ANKFN1: variants seen among roughly 807,000 people sequenced by gnomAD.
ANKFN1 encodes the protein ankyrin repeat and fibronectin type III domain containing 1.
ANKFN1 carries 74 observed loss-of-function variants against 108.7 expected under a neutral mutation model. The observed-to-expected ratio is 0.68, with a 90% CI of 0.56 to 0.83. ANKFN1 has a LOEUF of 0.83. Among genes scored for constraint, ANKFN1 ranks in the 40% least tolerant of loss-of-function variants. The probability of loss-of-function intolerance (pLI) is 0.00; values close to 1 mark genes in which losing one functional copy is unlikely to be tolerated. For missense variants in ANKFN1, 1,505 were observed against 1,382.3 expected (o/e 1.09, Z -1.41); for synonymous variants, 547 against 516.2 (o/e 1.06, Z -0.81).
chr17:56,228,271 G>C, intron 3 of ANKFN1: 1 of 263,500 alleles, frequency 3.8e-6, no homozygotes, highest in South Asian at 7.9e-5. Context: ...TAAATATTCA[G>C]TTCTCTCAAA....
At chr17:56,160,741 G>A (rs1054644529) in intron 1 of ANKFN1, among the ~76,000 whole-genome samples, 1 of 152,158 alleles carries the variant, frequency 6.6e-6, no homozygotes, top group African/African-American at 2.4e-5. Context: ...TGAATCCCGT[G>A]GAAGATGCCT....
At chr17:56,069,629 A>C (rs1905097786) in intron 4 of ANKFN1, among the ~76,000 whole-genome samples, 1 of 152,204 alleles carries the variant, frequency 6.6e-6, no homozygotes, top group African/African-American at 2.4e-5. Flanking sequence ...TAGGTGGCTT[A>C]GAAAACAGAA....
intron 1 of ANKFN1, among the ~76,000 whole-genome samples, chr17:56,211,485 A>G (rs1364582855): frequency 6.6e-6 from 1 of 152,152 alleles, no homozygotes; most frequent in Non-Finnish European, 1.5e-5. Flanking sequence ...TTGTACCAAT[A>G]CCATGCTGTT....
Position 56,466,589 on chromosome 17 carries a change from T to G in ANKFN1, c.1773+18T>G. 1.9e-6 allele frequency: 3 copies of G among 1,576,534 alleles called. No homozygotes were observed. The highest frequency in any genetic ancestry group is 2.6e-6 in the Non-Finnish European group (3 of 1,159,348). ...CCATCCAGGTATGTAGTTTTTTTCT[T>G]AATTCCCGGGTATACTTAAGGTTCC... On this transcript the variant is annotated intron_variant, in intron 15 of 20. Coordinates refer to ENST00000682825, the MANE Select transcript of ANKFN1 (RefSeq NM_001370326.1).
At chr17:56,152,253 T>C (rs1349027216), upstream of ANKFN1, among the ~76,000 whole-genome samples, 1 of 84,250 alleles carries the variant, frequency 1.2e-5, no homozygotes, top group East Asian at 9.2e-4. Context: ...GAAATATATA[T>C]ATATATATAT....
At chr17:56,064,938 C>T (rs1014698980) in intron 4 of ANKFN1, among the ~76,000 whole-genome samples, 5 of 152,188 alleles carry the variant, frequency 3.3e-5, no homozygotes, top group African/African-American at 1.2e-4. Context: ...AGCACATTCA[C>T]TCACCACCTT....
At chr17:56,180,973 C>T (rs1911628591) in intron 1 of ANKFN1, among the ~76,000 whole-genome samples, 1 of 152,138 alleles carries the variant, frequency 6.6e-6, no homozygotes, top group Admixed American at 6.6e-5. Flanking sequence ...AACTACAAAA[C>T]ATGTTGCCTT....
At chr17:56,069,474 C>CA in intron 4 of ANKFN1, among the ~76,000 whole-genome samples, 1 of 152,196 alleles carries the variant, frequency 6.6e-6, no homozygotes, top group Non-Finnish European at 1.5e-5. Flanking sequence ...ACTGGACATT[C>CA]CTCCTAAGCA....
intron 4 of ANKFN1, among the ~76,000 whole-genome samples, chr17:56,108,405 G>A (rs775250674): frequency 1.3e-5 from 2 of 152,236 alleles, no homozygotes; most frequent in African/African-American, 4.8e-5. Context: ...TTCTTCTTTC[G>A]ACTCTTCTTT....
intron 3 of ANKFN1, among the ~76,000 whole-genome samples, chr17:56,234,963 C>T (rs569993840): frequency 6.6e-6 from 1 of 152,176 alleles, no homozygotes. Context: ...ATTTACAGTC[C>T]CACCAAGAGT....
chr17:56,346,241 G>A (rs951355012), intron 4 of ANKFN1, among the ~76,000 whole-genome samples: 8 of 151,930 alleles, frequency 5.3e-5, no homozygotes, highest in African/African-American at 1.9e-4. Context: ...CTGTTCCGTT[G>A]GTCTATATCT....
intron 11 of ANKFN1, among the ~76,000 whole-genome samples, chr17:56,452,354 C>T (rs1181619430): frequency 1.3e-5 from 2 of 152,104 alleles, no homozygotes; most frequent in East Asian, 1.9e-4. Flanking sequence ...GTATAGAAGC[C>T]ACAAGGTTCT....
At chr17:56,455,599 T>G (rs544013661) in intron 11 of ANKFN1, among the ~76,000 whole-genome samples, 1 of 152,232 alleles carries the variant, frequency 6.6e-6, no homozygotes, top group Non-Finnish European at 1.5e-5. Context: ...CTGGTGGTGA[T>G]ACCAACAACC....
intron 3 of ANKFN1, among the ~76,000 whole-genome samples, chr17:56,305,605 A>G (rs2044797911): frequency 6.6e-6 from 1 of 152,124 alleles, no homozygotes; most frequent in Non-Finnish European, 1.5e-5. Context: ...TTGTCTTTTT[A>G]GCTGCTGAAC....
At position 56,516,039 on chromosome 17, in the gene ANKFN1, G is replaced by T. The variant is rs962724623; in HGVS notation, c.*4770G>T. 6.6e-6 allele frequency among the ~76,000 whole-genome samples: 1 copy of T among 152,066 alleles called. No homozygotes were observed. Among genetic ancestry groups the T allele is most frequent in the African/African-American group, 2.4e-5 (1 of 41,388 alleles). On this transcript the variant is annotated 3_prime_UTR_variant, in exon 21 of 21. Coordinates refer to ENST00000682825, the MANE Select transcript of ANKFN1 (RefSeq NM_001370326.1). ...AAAGGTTACGAAGCTATTAGTTAAG[G>T]CTCTTTGCTCCTCTTCCTGCAGTCC...
chr17:56,271,394 A>G (rs1358821029), intron 3 of ANKFN1, among the ~76,000 whole-genome samples: 1 of 152,232 alleles, frequency 6.6e-6, no homozygotes, highest in Non-Finnish European at 1.5e-5. Flanking sequence ...TTCAGTGTCT[A>G]GAGCAATACC....
intron 1 of ANKFN1, among the ~76,000 whole-genome samples, chr17:56,161,840 TAAAAG>T (rs1291554301): frequency 6.6e-6 from 1 of 152,154 alleles, no homozygotes; most frequent in Non-Finnish European, 1.5e-5. Flanking sequence ...CTTCCTAACT[TAAAAG>T]AAAATAATTT....
upstream of ANKFN1, among the ~76,000 whole-genome samples, chr17:56,151,136 CAGT>C (rs1349873307): frequency 2.0e-5 from 3 of 152,178 alleles, no homozygotes; most frequent in Non-Finnish European, 4.4e-5. Context: ...CTCTGGTCCT[CAGT>C]CTTCATCTGT....
chr17:56,105,627 A>AT (rs1481794663), intron 4 of ANKFN1, among the ~76,000 whole-genome samples: 2 of 114,090 alleles, frequency 1.8e-5, no homozygotes, highest in Non-Finnish European at 3.7e-5. Flanking sequence ...TCTGTCTGTC[A>AT]TTTTTCTCTT....
Sources: allele counts gnomAD v4.1 joint callset (sites outside exome capture counted in the v4.1 genomes callset), GRCh38; gene constraint gnomAD v4.1.1; transcripts MANE v1.5; gene names NCBI Gene and HGNC (gene_info 2026-07-23, HGNC 2026-07-21).